Variants in TRAF3IP1 observed in about 807,000 individuals in gnomAD.
The protein encoded by TRAF3IP1 is intraflagellar transport 54, also known as TRAF3-interacting protein 1.
A neutral mutation model predicts 89.9 loss-of-function variants in TRAF3IP1; 53 were observed. The ratio of observed to expected loss-of-function variants is 0.59; its 90% CI spans 0.47 to 0.74. The LOEUF (loss-of-function observed/expected upper bound fraction) is 0.74. Ranked by LOEUF, TRAF3IP1 falls within the 30% of genes least tolerant of loss-of-function variation. The pLI is 0.00. For synonymous variants in TRAF3IP1, 311 were observed against 322.1 expected (o/e 0.97, Z 0.37); for missense variants, 806 against 866.1 (o/e 0.93, Z 0.87).
At chr2:238,338,118 G>A (rs1698471453) in intron 7 of TRAF3IP1, among the ~76,000 whole-genome samples, 1 of 152,148 alleles carries the variant, frequency 6.6e-6, no homozygotes, top group Non-Finnish European at 1.5e-5. Flanking sequence ...TCCTTGCAAA[G>A]GAAACAGAAG....
At chr2:238,349,504 G>C in intron 12 of TRAF3IP1, 96 bp downstream of exon 12, 1 of 1,272,134 alleles carries the variant, frequency 7.9e-7, no homozygotes, top group South Asian at 1.3e-5. Flanking sequence ...AGCAGCACAT[G>C]GTGCTGGAAA....
At chr2:238,340,831 G>GTATA (rs1326850737) in intron 8 of TRAF3IP1, among the ~76,000 whole-genome samples, 2 of 81,870 alleles carry the variant, frequency 2.4e-5, no homozygotes, top group Non-Finnish European at 5.8e-5. Flanking sequence ...GTGTGTGTGT[G>GTATA]TGTATATATA....
Position 238,373,951 on chromosome 2 carries a change from AATTCTTC to A in TRAF3IP1, c.1689+17872_1689+17878del, listed in dbSNP as rs1485476207. On this transcript the variant is annotated intron_variant, in intron 15 of 16. Coordinates refer to ENST00000373327, the MANE Select transcript of TRAF3IP1 (RefSeq NM_015650.4). ...TCTCTGTCTGTTAATGGTGTATAGG[AATTCTTC>A]TGATTTTTGCACATTGATTTTGTAT... Among the ~76,000 whole-genome samples the A allele has an allele frequency of 1.1e-4, 17 of 152,166 alleles. No individual in the cohort carries two copies. The East Asian group carries it at 3.3e-3, about 29-fold the overall frequency.
intron 10 of TRAF3IP1, 134 bp downstream of exon 10, chr2:238,347,609 A>T: frequency 1.2e-6 from 1 of 839,240 alleles, no homozygotes. Flanking sequence ...AAAGATCATA[A>T]CTACCCTAAT....
chr2:238,376,906 G>A (rs1700338176), intron 15 of TRAF3IP1, among the ~76,000 whole-genome samples: 1 of 152,152 alleles, frequency 6.6e-6, no homozygotes, highest in Non-Finnish European at 1.5e-5. Context: ...TAATAACATA[G>A]GTCATAGTGA....
chr2:238,368,512 T>C (rs1236302246), intron 15 of TRAF3IP1, among the ~76,000 whole-genome samples: 2 of 152,014 alleles, frequency 1.3e-5, no homozygotes, highest in Non-Finnish European at 2.9e-5. Context: ...ATACTTACAA[T>C]ACTTGTCACA....
chr2:238,325,271 G>A (rs1156300915), intron 1 of TRAF3IP1, 35 bp from the exon 2 acceptor site: 2 of 1,609,162 alleles, frequency 1.2e-6, no homozygotes, highest in African/African-American at 1.3e-5. Flanking sequence ...GGCTGTCTGT[G>A]AGGTGACATG....
At chr2:238,327,231 C>T (rs1022049703) in intron 3 of TRAF3IP1, among the ~76,000 whole-genome samples, 4 of 152,384 alleles carry the variant, frequency 2.6e-5, no homozygotes, top group East Asian at 3.9e-4. Context: ...AGCTGCCTTC[C>T]TCCTCCAGCC....
At chr2:238,373,145 C>T (rs535324785) in intron 15 of TRAF3IP1, among the ~76,000 whole-genome samples, 6 of 152,142 alleles carry the variant, frequency 3.9e-5, no homozygotes, top group Non-Finnish European at 5.9e-5. Context: ...AATTAGATCC[C>T]GTTTGTGTAT....
At chr2:238,325,228 A>C in intron 1 of TRAF3IP1, 78 bp from the exon 2 acceptor site, 1 of 1,358,618 alleles carries the variant, frequency 7.4e-7, no homozygotes, top group Non-Finnish European at 1.1e-6. Context: ...ACATCTCCCA[A>C]GTGTGGAGTT....
intron 9 of TRAF3IP1, 88 bp downstream of exon 9, chr2:238,344,686 C>A: frequency 8.8e-7 from 1 of 1,140,186 alleles, no homozygotes; most frequent in East Asian, 2.4e-5. Context: ...GCCCAGAGCC[C>A]GAGGTTTTCC....
chr2:238,367,681 G>A (rs1049551985), intron 15 of TRAF3IP1, among the ~76,000 whole-genome samples: 1 of 152,062 alleles, frequency 6.6e-6, no homozygotes. Flanking sequence ...GGCTTCCCAC[G>A]CATGGCCTCC....
chr2:238,381,141 A>ATTT (rs148374609), intron 15 of TRAF3IP1, among the ~76,000 whole-genome samples: 1 of 133,094 alleles, frequency 7.5e-6, no homozygotes, highest in African/African-American at 2.8e-5. Flanking sequence ...TTATTTATTT[A>ATTT]TTTTTTTTTT....
chr2:238,338,293 C>T (rs2106377024), intron 7 of TRAF3IP1, 69 bp from the exon 8 acceptor site: 2 of 962,128 alleles, frequency 2.1e-6, no homozygotes, highest in East Asian at 5.3e-5. Context: ...CCTTATAAAT[C>T]CCAGCTAAAA....
At chr2:238,382,316 G>A (rs572547031) in intron 15 of TRAF3IP1, among the ~76,000 whole-genome samples, 1 of 152,244 alleles carries the variant, frequency 6.6e-6, no homozygotes, top group East Asian at 1.9e-4. Context: ...GACACATCCT[G>A]GTGGAATCGT....
intron 15 of TRAF3IP1, among the ~76,000 whole-genome samples, chr2:238,356,673 T>C (rs1317109548): frequency 6.6e-6 from 1 of 152,164 alleles, no homozygotes; most frequent in Non-Finnish European, 1.5e-5. Context: ...TCTGACTCCC[T>C]GACTCTCCCC....
intron 15 of TRAF3IP1, among the ~76,000 whole-genome samples, chr2:238,387,679 G>A (rs1412238098): frequency 6.6e-6 from 1 of 152,164 alleles, no homozygotes; most frequent in Non-Finnish European, 1.5e-5. Context: ...TAACCCAAAT[G>A]TTGTCCGTCA....
intron 1 of TRAF3IP1, 168 bp downstream of exon 1, chr2:238,320,953 T>C: frequency 2.4e-6 from 1 of 421,660 alleles, no homozygotes; most frequent in Non-Finnish European, 3.5e-6. Flanking sequence ...GTGAACCGGG[T>C]GTGGGCCGGG....
intron 15 of TRAF3IP1, among the ~76,000 whole-genome samples, chr2:238,392,657 C>T (rs766125957): frequency 1.3e-5 from 2 of 151,714 alleles, no homozygotes; most frequent in Admixed American, 6.6e-5. Flanking sequence ...ACTGCAACCT[C>T]GCCCCCCCAC....
Sources: gnomAD v4.1 joint callset for allele counts (sites outside exome capture counted in the v4.1 genomes callset) on GRCh38, gnomAD v4.1.1 for gene constraint, MANE v1.5 for transcripts, NCBI Gene and HGNC (gene_info 2026-07-23, HGNC 2026-07-21) for gene names.